The following DNAH12 variants were observed in gnomAD, a reference collection of about 807,000 sequenced individuals.
DNAH12 encodes axonemal beta dynein heavy chain 12.
In DNAH12, 285 loss-of-function variants were observed where a neutral mutation model predicts 371.5. That is an observed-to-expected ratio of 0.77 (90% CI 0.70 to 0.85). The LOEUF is 0.85. Ranked by LOEUF, DNAH12 falls within the 40% of genes least tolerant of loss-of-function variation. The pLI is 0.00. For synonymous variants in DNAH12, 1,200 were observed against 1,213.0 expected (o/e 0.99, Z 0.22); for missense variants, 3,611 against 3,689.4 (o/e 0.98, Z 0.55).
At chr3:57,415,327 T>C (rs2064334726) in intron 38 of DNAH12, 99 bp downstream of exon 38, 5 of 1,408,846 alleles carry the variant, frequency 3.5e-6, no homozygotes, top group Admixed American at 6.5e-5. Context: ...TTTAAATTCA[T>C]AGATTTACAC....
intron 57 of DNAH12, among the ~76,000 whole-genome samples, chr3:57,365,288 A>G (rs1443962329): frequency 1.3e-5 from 2 of 152,258 alleles, no homozygotes; most frequent in African/African-American, 4.8e-5. Flanking sequence ...ATAAAAAGGA[A>G]CAAGATAATG....
intron 32 of DNAH12, among the ~76,000 whole-genome samples, chr3:57,432,842 A>G (rs1021804491): frequency 6.6e-6 from 1 of 151,780 alleles, no homozygotes; most frequent in Admixed American, 6.6e-5. Flanking sequence ...ATGTGAGTAT[A>G]CAAACACATT....
At chr3:57,302,042 G>T in intron 69 of DNAH12, 103 bp from the exon 70 acceptor site, 1 of 1,268,650 alleles carries the variant, frequency 7.9e-7, no homozygotes, top group Non-Finnish European at 1.1e-6. Flanking sequence ...TTATGGGATT[G>T]CTTCCCAAAA....
At chr3:57,505,272 C>T (rs1358355230) in intron 8 of DNAH12, among the ~76,000 whole-genome samples, 1 of 137,414 alleles carries the variant, frequency 7.3e-6, no homozygotes, top group African/African-American at 2.7e-5. Context: ...CTCCCACTAC[C>T]TTTCCCAGCC....
intron 58 of DNAH12, among the ~76,000 whole-genome samples, chr3:57,359,125 TGGC>T (rs2062864468): frequency 3.3e-5 from 5 of 152,206 alleles, no homozygotes; most frequent in Non-Finnish European, 7.3e-5. Context: ...TAGTATTCCA[TGGC>T]TTGATCTATG....
chr3:57,536,023 G>C (rs1465730321), intron 2 of DNAH12, among the ~76,000 whole-genome samples: 2 of 151,622 alleles, frequency 1.3e-5, no homozygotes, highest in African/African-American at 4.9e-5. Context: ...TTTTAATAGA[G>C]ACGGGGTTTC....
At chr3:57,486,428 T>G (rs1016139975) in intron 12 of DNAH12, among the ~76,000 whole-genome samples, 4 of 151,688 alleles carry the variant, frequency 2.6e-5, no homozygotes, top group African/African-American at 7.3e-5. Flanking sequence ...TAATTTTAAG[T>G]AAGAAATAGA....
At chr3:57,369,219 T>TAAAAA (rs1169309910) in intron 55 of DNAH12, among the ~76,000 whole-genome samples, 47 of 126,016 alleles carry the variant, frequency 3.7e-4, no homozygotes, top group African/African-American at 1.3e-3. Context: ...GAAACTCCAT[T>TAAAAA]AAAAAAAAAA....
chr3:57,527,645 A>G (rs1355093991), intron 2 of DNAH12, among the ~76,000 whole-genome samples: 3 of 152,146 alleles, frequency 2.0e-5, no homozygotes, highest in Non-Finnish European at 2.9e-5. Flanking sequence ...TGAGACATCT[A>G]CCCACATGAT....
chr3:57,546,011 T>G (rs549679095), upstream of DNAH12, among the ~76,000 whole-genome samples: 7 of 152,294 alleles, frequency 4.6e-5, no homozygotes, highest in Non-Finnish European at 1.0e-4. Context: ...AATCATCACT[T>G]CAGCTCCTGA....
At chr3:57,521,340 A>C (rs573161475) in intron 4 of DNAH12, among the ~76,000 whole-genome samples, 1 of 152,032 alleles carries the variant, frequency 6.6e-6, no homozygotes, top group Admixed American at 6.6e-5. Flanking sequence ...TGAAAAGACT[A>C]TTCTTCCTCC....
At chr3:57,537,039 C>T (rs903108757) in intron 2 of DNAH12, among the ~76,000 whole-genome samples, 1 of 100,804 alleles carries the variant, frequency 9.9e-6, no homozygotes, top group African/African-American at 3.0e-5. Context: ...CGAAAAAATA[C>T]AAAAATTAGC....
intron 65 of DNAH12, among the ~76,000 whole-genome samples, chr3:57,319,583 G>A (rs1308992577): frequency 6.6e-6 from 1 of 151,550 alleles, no homozygotes; most frequent in African/African-American, 2.4e-5. Context: ...TTTTGGTTTT[G>A]TTTTGTTTCT....
chr3:57,432,750 G>A (rs1228759737), intron 32 of DNAH12, among the ~76,000 whole-genome samples: 1 of 148,056 alleles, frequency 6.8e-6, no homozygotes, highest in East Asian at 1.9e-4. Flanking sequence ...ATCTCTGGAG[G>A]AAGATAAACA....
intron 65 of DNAH12, among the ~76,000 whole-genome samples, chr3:57,317,559 T>C (rs1023852830): frequency 6.6e-6 from 1 of 152,204 alleles, no homozygotes; most frequent in Non-Finnish European, 1.5e-5. Context: ...TTCTTCTTTT[T>C]AAGGCTGAAT....
rs768834579 is a variant in DNAH12 at position 57,453,293 on chromosome 3, AG to A, written c.3566del (p.Thr1189IlefsTer13). The A allele has an allele frequency of 1.0e-4, 161 of 1,549,610 alleles. No individual in the cohort carries two copies. The African/African-American group carries it at 1.8e-3, about 18-fold the overall frequency. On this transcript the variant is annotated frameshift_variant, in exon 24 of 74. Coordinates refer to ENST00000495027, the MANE Select transcript of DNAH12 (RefSeq NM_001366028.2). LOFTEE classifies it high-confidence loss of function. ...QTRTTLGALV[T>X]IDVHARDVVM... ...CCACATCTCTAGCATGGACATCAAT[AG>A]TAACCAAAGCCCCCAGAGTGGTCCT... is the stretch of plus-strand genomic sequence containing the variant.
intron 8 of DNAH12, among the ~76,000 whole-genome samples, chr3:57,506,102 T>TCACATTC (rs1190451028): frequency 1.3e-5 from 2 of 152,158 alleles, no homozygotes; most frequent in Non-Finnish European, 2.9e-5. Context: ...TCAGAACTTT[T>TCACATTC]CACATTCTTT....
chr3:57,413,208 C>T (rs7632410), intron 39 of DNAH12, among the ~76,000 whole-genome samples: 132,915 of 152,166 alleles, frequency 0.87, 58,516 homozygotes, highest in African/African-American at 0.92. Flanking sequence ...TACTGTATTA[C>T]TCCAACTATA....
At chr3:57,348,350 T>A (rs1458945464) in intron 60 of DNAH12, among the ~76,000 whole-genome samples, 2 of 151,644 alleles carry the variant, frequency 1.3e-5, no homozygotes, top group African/African-American at 4.8e-5. Context: ...ATTGGCAGGG[T>A]TGAGGGGAGG....
Sources: allele counts gnomAD v4.1 joint callset (sites outside exome capture counted in the v4.1 genomes callset), GRCh38; gene constraint gnomAD v4.1.1; transcripts MANE v1.5; gene names NCBI Gene and HGNC (gene_info 2026-07-23, HGNC 2026-07-21).